Variants in KLHDC4 observed in about 807,000 individuals in gnomAD.
KLHDC4 encodes the protein kelch domain-containing protein 4.
In KLHDC4, 90 loss-of-function variants were observed where a neutral mutation model predicts 62.4. The observed-to-expected ratio is 1.44, with a 90% CI of 1.22 to 1.72. KLHDC4 has a LOEUF of 1.72. Among genes scored for constraint, KLHDC4 ranks in the 40% most tolerant of loss-of-function variants. The pLI, the probability that KLHDC4 is intolerant of heterozygous loss-of-function variation, is 0.00. For synonymous variants in KLHDC4, 386 were observed against 284.4 expected (o/e 1.36, Z -3.59); for missense variants, 1,025 against 699.7 (o/e 1.47, Z -5.25).
Position 87,740,265 on chromosome 16 carries a change from G to C in KLHDC4, c.506+8408C>G, listed in dbSNP as rs72812215. Among the ~76,000 whole-genome samples, 298 of 152,300 alleles carry C rather than the reference G, an allele frequency of 2.0e-3. 3 individuals carry two copies. Among genetic ancestry groups the C allele is most frequent in the Non-Finnish European group, 3.7e-3 (252 of 68,026 alleles). On this transcript the variant is annotated intron_variant, in intron 5 of 11. Coordinates refer to ENST00000270583, the MANE Select transcript of KLHDC4 (RefSeq NM_017566.4). ...ACCGTGACTGAGGAGGGAAATGAGA[G>C]AGCTCCAGTGATCCCACCCGACATG...
chr16:87,757,361 G>C (rs760829834), intron 2 of KLHDC4: 1 of 150,972 alleles, frequency 6.6e-6, no homozygotes, highest in African/African-American at 2.4e-5. Flanking sequence ...CCAGCTACTC[G>C]GGAGGCTGAG....
chr16:87,718,723 C>T (rs1269895021), intron 7 of KLHDC4, among the ~76,000 whole-genome samples: 2 of 151,208 alleles, frequency 1.3e-5, no homozygotes, highest in East Asian at 3.9e-4. Flanking sequence ...GCCCGGCTGC[C>T]CAGCCTGGGA....
At chr16:87,746,513 A>T (rs550105321) in intron 5 of KLHDC4, among the ~76,000 whole-genome samples, 1 of 152,302 alleles carries the variant, frequency 6.6e-6, no homozygotes, top group Admixed American at 6.5e-5. Flanking sequence ...ACCTTCCAGG[A>T]CCAAGGGTGA....
At chr16:87,756,097 C>T (rs1264940826) in intron 3 of KLHDC4, 1 of 233,186 alleles carries the variant, frequency 4.3e-6, no homozygotes, top group Non-Finnish European at 8.6e-6. Context: ...CCTGGAAACC[C>T]GCTGGGAGGA....
intron 4 of KLHDC4, among the ~76,000 whole-genome samples, chr16:87,754,384 A>AT (rs2044520547): frequency 6.6e-6 from 1 of 152,208 alleles, no homozygotes; most frequent in African/African-American, 2.4e-5. Context: ...TACAAATCTG[A>AT]TTTTTAAACC....
intron 9 of KLHDC4, chr16:87,710,113 C>T (rs562418108): frequency 8.4e-5 from 14 of 166,262 alleles, no homozygotes; most frequent in African/African-American, 2.9e-4. Flanking sequence ...GTCAGGCCCA[C>T]AAGCCCAGCT....
chr16:87,746,045 CTT>C (rs2042985638), intron 5 of KLHDC4, among the ~76,000 whole-genome samples: 1 of 152,050 alleles, frequency 6.6e-6, no homozygotes, highest in African/African-American at 2.4e-5. Context: ...GGGAGAATCT[CTT>C]GAGGCCAAGA....
Position 87,751,069 on chromosome 16 carries a change from C to T in KLHDC4, c.370-2260G>A, listed in dbSNP as rs565808853. The T allele has an allele frequency of 8.5e-5, 13 of 152,328 alleles. 1 individual carries two copies. The Middle Eastern group carries it at 0.014, about 159-fold the overall frequency. 9.4% of individuals were successfully genotyped at this position (152,328 alleles called of 1,614,324 possible). A position where few individuals can be genotyped will look rare whatever the true frequency, so the allele number is the denominator to read the frequency against. On this transcript the variant is annotated intron_variant, in intron 4 of 11. Transcript: ENST00000270583. The stretch of plus-strand genomic sequence containing the variant: ...TAAATAGAGTTTTAAACTATCATCT[C>T]GGGAAGACTATTCAATGCCACAGAA...
chr16:87,752,593 C>T (rs911084853), intron 4 of KLHDC4, among the ~76,000 whole-genome samples: 1 of 151,962 alleles, frequency 6.6e-6, no homozygotes, highest in Non-Finnish European at 1.5e-5. Flanking sequence ...TCCCGGCCTC[C>T]CAAAGTGCTG....
At position 87,761,929 on chromosome 16, in the gene KLHDC4, G is replaced by A; in HGVS notation, c.191+20C>T. On this transcript the variant is annotated intron_variant, in intron 2 of 11. Transcript: ENST00000270583. Reference sequence around the variant, plus strand: ...TAGAAGAAAAGGAAACATACAATATGAAAAATGCTACTTGCTCACCTTGGT... The same window carrying A: ...TAGAAGAAAAGGAAACATACAATATAAAAAATGCTACTTGCTCACCTTGGT... 1 of 1,610,688 alleles carries A rather than the reference G, an allele frequency of 6.2e-7. No homozygotes were observed. The highest frequency in any genetic ancestry group is 8.5e-7 in the Non-Finnish European group (1 of 1,177,544).
At chr16:87,721,281 G>A (rs189956592) in intron 7 of KLHDC4, among the ~76,000 whole-genome samples, 1 of 152,150 alleles carries the variant, frequency 6.6e-6, no homozygotes, top group African/African-American at 2.4e-5. Context: ...TTAGCCGGGT[G>A]TGGTGGCAGG....
downstream of KLHDC4, among the ~76,000 whole-genome samples, chr16:87,704,112 G>A (rs980297280): frequency 3.9e-5 from 6 of 152,228 alleles, no homozygotes; most frequent in Non-Finnish European, 7.3e-5. Context: ...TCTGGAGGAA[G>A]GCTGACTCTT....
chr16:87,702,032 G>A (rs1026719902), exon 1 of KLHDC4: 13 of 456,140 alleles, frequency 2.9e-5, no homozygotes, highest in African/African-American at 1.0e-4. Flanking sequence ...AGAGGCTAAC[G>A]CCGGGTCTGG....
chr16:87,700,705 G>A (rs2034102278), exon 1 of KLHDC4: 1 of 236,996 alleles, frequency 4.2e-6, no homozygotes, highest in Non-Finnish European at 7.9e-6. Flanking sequence ...GGAGGAGGTT[G>A]GAGGGCGGAG....
chr16:87,711,160 G>C (rs1280288977), intron 9 of KLHDC4, 75 bp downstream of exon 9: 2 of 1,509,560 alleles, frequency 1.3e-6, no homozygotes, highest in East Asian at 4.5e-5. Flanking sequence ...AAAAGGTGCT[G>C]GAGGAAGGCA....
intron 6 of KLHDC4, 130 bp from the exon 7 acceptor site, chr16:87,727,054 C>G: frequency 1.1e-6 from 1 of 918,680 alleles, no homozygotes; most frequent in Non-Finnish European, 1.6e-6. Flanking sequence ...TTTTTCTCCT[C>G]TGCTCTTACA....
At chr16:87,762,276 A>C (rs1597429981) in intron 1 of KLHDC4, 1 of 695,956 alleles carries the variant, frequency 1.4e-6, no homozygotes, top group Non-Finnish European at 2.2e-6. Flanking sequence ...TTATCTCCAC[A>C]CCCTTAACGC....
intron 4 of KLHDC4, among the ~76,000 whole-genome samples, chr16:87,752,579 C>T (rs1437868610): frequency 2.0e-5 from 3 of 152,046 alleles, no homozygotes; most frequent in Non-Finnish European, 2.9e-5. Flanking sequence ...TTGTGATTCG[C>T]CCATCCCGGC....
At chr16:87,719,682 AC>A (rs756496680) in intron 7 of KLHDC4, among the ~76,000 whole-genome samples, 17 of 151,578 alleles carry the variant, frequency 1.1e-4, no homozygotes, top group East Asian at 1.9e-4. Context: ...AAAAAAAAAA[AC>A]AAAAAACTGA....
Sources: gnomAD v4.1 joint callset for allele counts (sites outside exome capture counted in the v4.1 genomes callset) on GRCh38, gnomAD v4.1.1 for gene constraint, MANE v1.5 for transcripts, NCBI Gene and HGNC (gene_info 2026-07-23, HGNC 2026-07-21) for gene names.